Variants in PTN observed in about 807,000 individuals in gnomAD.
PTN encodes the protein pleiotrophin, also known as heparin affin regulatory protein.
Under a neutral mutation model 24.1 loss-of-function variants are expected in PTN, and 18 were observed. That is an observed-to-expected ratio of 0.75 (90% CI 0.52 to 1.11). The LOEUF (loss-of-function observed/expected upper bound fraction) is 1.11, where lower values mean the gene tolerates loss of function less well. Among genes scored for constraint, PTN ranks in the 50% least tolerant of loss-of-function variants. PTN has a pLI of 0.00. For missense variants in PTN, 163 were observed against 198.8 expected (o/e 0.82, Z 1.08); for synonymous variants, 78 against 68.6 (o/e 1.14, Z -0.67).
At chr7:137,266,917 A>T (rs902193275) in intron 1 of PTN, among the ~76,000 whole-genome samples, 3 of 143,320 alleles carry the variant, frequency 2.1e-5, no homozygotes, top group Non-Finnish European at 3.0e-5. Context: ...CTGCCGCTAC[A>T]GATTGAACAC....
intron 1 of PTN, among the ~76,000 whole-genome samples, chr7:137,330,797 A>G (rs1486007443): frequency 6.6e-6 from 1 of 152,112 alleles, no homozygotes; most frequent in Non-Finnish European, 1.5e-5. Context: ...AGCTGGAGTG[A>G]TTTCATGGGA....
chr7:137,280,694 A>C lies in PTN; in HGVS notation c.-1-25720T>G, dbSNP rs796625886. 5.7e-3 allele frequency among the ~76,000 whole-genome samples: 492 copies of C among 86,568 alleles called. 11 individuals carry two copies. The highest frequency in any genetic ancestry group is 8.0e-3 in the Non-Finnish European group (370 of 46,282). The allele number at this position is 86,568 out of a possible 152,430, so 56.8% of individuals were successfully genotyped here. A position where few individuals can be genotyped will look rare whatever the true frequency, so the allele number is the denominator to read the frequency against. On this transcript the variant is annotated intron_variant, in intron 1 of 4. Transcript: ENST00000348225. ...CATGGCAAAACCCCGTCTCTACTAAAAATACAAAAAAAAAAAAAAAAAAAA... is the reference window on the plus strand; with the variant it reads ...CATGGCAAAACCCCGTCTCTACTAACAATACAAAAAAAAAAAAAAAAAAAA...
At chr7:137,336,851 G>A (rs943711084) in intron 1 of PTN, among the ~76,000 whole-genome samples, 7 of 152,158 alleles carry the variant, frequency 4.6e-5, no homozygotes, top group African/African-American at 1.7e-4. Context: ...ACTTCACATT[G>A]ATTTTCTCAA....
intron 1 of PTN, among the ~76,000 whole-genome samples, chr7:137,260,483 A>T (rs1244808861): frequency 3.9e-5 from 6 of 152,132 alleles, no homozygotes; most frequent in African/African-American, 1.4e-4. Context: ...GTTTTATTCA[A>T]GGGTGCTTCC....
intron 4 of PTN, among the ~76,000 whole-genome samples, chr7:137,228,721 A>C (rs773458374): frequency 6.6e-6 from 1 of 151,892 alleles, no homozygotes; most frequent in Non-Finnish European, 1.5e-5. Context: ...GCTGTAGGAA[A>C]GTAAAACATT....
intron 4 of PTN, among the ~76,000 whole-genome samples, chr7:137,236,672 CTAATA>C (rs2128868275): frequency 6.6e-6 from 1 of 152,164 alleles, no homozygotes; most frequent in South Asian, 2.1e-4. Flanking sequence ...CGATTTATCT[CTAATA>C]TGACATTTAA....
intron 4 of PTN, among the ~76,000 whole-genome samples, chr7:137,243,897 C>T (rs554925100): frequency 4.6e-5 from 7 of 152,220 alleles, no homozygotes; most frequent in South Asian, 2.1e-4. Flanking sequence ...ATATTTCTCC[C>T]GGATCTGTTG....
At chr7:137,339,668 C>T (rs1385607337) in intron 1 of PTN, among the ~76,000 whole-genome samples, 1 of 151,720 alleles carries the variant, frequency 6.6e-6, no homozygotes, top group Non-Finnish European at 1.5e-5. Context: ...TCCAAGAATG[C>T]CAACATATGG....
chr7:137,321,300 G>A (rs1810159427), intron 1 of PTN, among the ~76,000 whole-genome samples: 1 of 152,166 alleles, frequency 6.6e-6, no homozygotes, highest in African/African-American at 2.4e-5. Context: ...TCAAAGAGAT[G>A]TTTGTTTTGA....
At chr7:137,251,429 G>A (rs767747827) in intron 3 of PTN, 38 bp from the exon 4 acceptor site, 2 of 1,595,304 alleles carry the variant, frequency 1.3e-6, no homozygotes, top group African/African-American at 1.3e-5. Context: ...ATCCTTGAAA[G>A]ATCCTATCGT....
intron 4 of PTN, among the ~76,000 whole-genome samples, chr7:137,248,020 A>G (rs1808753606): frequency 6.6e-6 from 1 of 152,136 alleles, no homozygotes; most frequent in African/African-American, 2.4e-5. Flanking sequence ...TTATAATAAT[A>G]CCCACCCGCA....
intron 1 of PTN, among the ~76,000 whole-genome samples, chr7:137,303,713 C>A (rs1809841975): frequency 6.6e-6 from 1 of 151,908 alleles, no homozygotes. Flanking sequence ...TTAAACAGCA[C>A]AAATGAGTTT....
At chr7:137,319,966 A>C (rs1810137013) in intron 1 of PTN, among the ~76,000 whole-genome samples, 1 of 152,222 alleles carries the variant, frequency 6.6e-6, no homozygotes, top group Admixed American at 6.5e-5. Flanking sequence ...CTGCTAATTA[A>C]GAGGCCACAT....
At chr7:137,282,356 GTTT>G (rs1809487107) in intron 1 of PTN, among the ~76,000 whole-genome samples, 1 of 152,188 alleles carries the variant, frequency 6.6e-6, no homozygotes, top group Non-Finnish European at 1.5e-5. Context: ...TATCCAGAGA[GTTT>G]TTAATATTGT....
chr7:137,337,737 A>T (rs1810472357), intron 1 of PTN, among the ~76,000 whole-genome samples: 1 of 152,144 alleles, frequency 6.6e-6, no homozygotes, highest in Admixed American at 6.5e-5. Context: ...AAGGAAAGAG[A>T]GTGGGAGAAG....
intron 4 of PTN, among the ~76,000 whole-genome samples, chr7:137,242,519 G>T (rs1032209728): frequency 1.3e-5 from 2 of 152,110 alleles, no homozygotes; most frequent in African/African-American, 4.8e-5. Flanking sequence ...CCCTTTTCCA[G>T]ATAAACTTGG....
chr7:137,333,050 G>C (rs887439772), intron 1 of PTN, among the ~76,000 whole-genome samples: 2 of 152,144 alleles, frequency 1.3e-5, no homozygotes, highest in Non-Finnish European at 2.9e-5. Context: ...TTGGGTCATG[G>C]GAGTAGATTC....
intron 4 of PTN, among the ~76,000 whole-genome samples, chr7:137,243,356 G>A (rs951335229): frequency 6.6e-6 from 1 of 152,166 alleles, no homozygotes; most frequent in Non-Finnish European, 1.5e-5. Context: ...CCAGTGAGGA[G>A]AGACCCAACT....
At chr7:137,236,216 C>T (rs1247904149) in intron 4 of PTN, 1 of 702,454 alleles carries the variant, frequency 1.4e-6, no homozygotes, top group South Asian at 1.5e-5. Flanking sequence ...AAACTCTCCC[C>T]ACTCCTGTGT....
Sources: allele counts gnomAD v4.1 joint callset (sites outside exome capture counted in the v4.1 genomes callset), GRCh38; gene constraint gnomAD v4.1.1; transcripts MANE v1.5; gene names NCBI Gene and HGNC (gene_info 2026-07-23, HGNC 2026-07-21).